Variants in CYP2C19 observed in about 807,000 individuals in gnomAD.
The protein encoded by CYP2C19 is cytochrome P450 2C19.
Under a neutral mutation model 40.9 loss-of-function variants are expected in CYP2C19, and 59 were observed. That is an observed-to-expected ratio of 1.44 (90% CI 1.17 to 1.79). The LOEUF (loss-of-function observed/expected upper bound fraction) is 1.79, where lower values mean the gene tolerates loss of function less well. CYP2C19 is among the 40% of genes most tolerant of loss of function. The pLI is 0.00. For missense variants in CYP2C19, 754 were observed against 596.9 expected, an observed-to-expected ratio of 1.26 and a Z score of -2.74; for synonymous variants, 253 against 208.7, an observed-to-expected ratio of 1.21 and a Z score of -1.83.
intron 5 of CYP2C19, among the ~76,000 whole-genome samples, chr10:94,784,296 T>G (rs1239821791): frequency 6.6e-6 from 1 of 152,178 alleles, no homozygotes; most frequent in Non-Finnish European, 1.5e-5. Flanking sequence ...GTTATTCATC[T>G]GTTTGTGGAC....
intron 5 of CYP2C19, among the ~76,000 whole-genome samples, chr10:94,807,257 A>G (rs553608405): frequency 6.6e-6 from 1 of 152,102 alleles, no homozygotes; most frequent in Non-Finnish European, 1.5e-5. Context: ...TCCATGGTGT[A>G]TGTATACATA....
rs751415691 is a variant in CYP2C19 at position 94,852,955 on chromosome 10, A to T, written c.*41A>T. The T allele has an allele frequency of 6.2e-7, 1 of 1,604,148 alleles. No individual in the cohort carries two copies. The highest frequency in any genetic ancestry group is 1.7e-5 in the Admixed American group (1 of 59,310). On this transcript the variant is annotated 3_prime_UTR_variant, in exon 9 of 9. Transcript: ENST00000371321. The stretch of plus-strand genomic sequence containing the variant: ...CTGGCTGCTCCTGTGCTGTCCCTGC[A>T]GCTCTCTTTCCTCTGGTCCAAATTT...
At chr10:94,810,889 T>TC (rs1203539075) in intron 5 of CYP2C19, among the ~76,000 whole-genome samples, 1 of 152,226 alleles carries the variant, frequency 6.6e-6, no homozygotes, top group Non-Finnish European at 1.5e-5. Flanking sequence ...CTCCTTCAAT[T>TC]CTGCTCTGAT....
At position 94,848,684 on chromosome 10, in the gene CYP2C19, C is replaced by T. The variant is rs1393336940; in HGVS notation, c.1150-1233C>T. On this transcript the variant is annotated intron_variant, in intron 7 of 8. Coordinates refer to ENST00000371321, the MANE Select transcript of CYP2C19 (RefSeq NM_000769.4). ...ACCTTGGGCAGTATGGCCATTTTCA[C>T]AATATTGATTCTTCCTACCTATGAG... Among the ~76,000 whole-genome samples, 5 of 152,194 alleles carry T rather than the reference C, an allele frequency of 3.3e-5. No homozygotes were observed. In the East Asian group the frequency reaches 9.7e-4, roughly 29 times the overall value.
intron 6 of CYP2C19, among the ~76,000 whole-genome samples, chr10:94,828,948 T>TC (rs1324593892): frequency 6.6e-6 from 1 of 151,898 alleles, no homozygotes; most frequent in Non-Finnish European, 1.5e-5. Flanking sequence ...GATATGAAAT[T>TC]CTGGGTTGAA....
rs2134297174 is a variant in CYP2C19, at chr10:94,855,318, G to A, written c.*2404G>A. On this transcript the variant is annotated 3_prime_UTR_variant, in exon 9 of 9. Coordinates refer to ENST00000371321, the MANE Select transcript of CYP2C19 (RefSeq NM_000769.4). ...ATGATCTGTTAAGCATCTTGTTCAAGGTCACACAGCTTTTTAAGTGTCAGA... is the reference window on the plus strand; with the variant it reads ...ATGATCTGTTAAGCATCTTGTTCAAAGTCACACAGCTTTTTAAGTGTCAGA... Among the ~76,000 whole-genome samples the A allele has an allele frequency of 6.6e-6, 1 of 152,302 alleles. No individual in the cohort carries two copies. Among genetic ancestry groups the A allele is most frequent in the Admixed American group, 6.5e-5 (1 of 15,284 alleles).
At chr10:94,842,765 G>T in intron 6 of CYP2C19, 72 bp from the exon 7 acceptor site, 1 of 1,488,208 alleles carries the variant, frequency 6.7e-7, no homozygotes, top group Non-Finnish European at 9.4e-7. Flanking sequence ...CATGATTCAT[G>T]TACCCCTGAA....
intron 5 of CYP2C19, among the ~76,000 whole-genome samples, chr10:94,808,969 C>T (rs1179522022): frequency 6.6e-6 from 1 of 152,060 alleles, no homozygotes; most frequent in Non-Finnish European, 1.5e-5. Context: ...ATTGCTGGGT[C>T]ATTTGGTAAC....
At chr10:94,851,871 T>C (rs35739901) in intron 8 of CYP2C19, among the ~76,000 whole-genome samples, 30,636 of 152,088 alleles carry the variant, frequency 0.2, 3,285 homozygotes, top group Middle Eastern at 0.23. Context: ...GGGGGAGGAA[T>C]ATTCAGACCA....
chr10:94,832,914 G>T (rs1178489181), intron 6 of CYP2C19, among the ~76,000 whole-genome samples: 1 of 151,864 alleles, frequency 6.6e-6, no homozygotes, highest in Admixed American at 6.6e-5. Context: ...TTTTCCATTT[G>T]TTGTGATCTC....
intron 6 of CYP2C19, among the ~76,000 whole-genome samples, chr10:94,827,293 G>A (rs1277522443): frequency 2.6e-5 from 4 of 151,954 alleles, no homozygotes; most frequent in African/African-American, 9.7e-5. Flanking sequence ...GTCTGGTCCT[G>A]GACTCTTTTT....
In CYP2C19 at chr10:94,781,861, G is replaced by A; in HGVS notation, c.683G>A (p.Gly228Glu). 2.0e-6 allele frequency: 3 copies of A among 1,475,748 alleles called. No individual in the cohort carries two copies. Among genetic ancestry groups the A allele is most frequent in the Non-Finnish European group, 2.7e-6 (3 of 1,119,618 alleles). The allele number at this position is 1,475,748 out of a possible 1,614,324, so 91.4% of individuals were successfully genotyped here. A position where few individuals can be genotyped will look rare whatever the true frequency, so the allele number is the denominator to read the frequency against. ...CCCACTATCATTGATTATTTCCCGGGAACCCATAACAAATTACTTAAAAAC... is the reference window on the plus strand; with the variant it reads ...CCCACTATCATTGATTATTTCCCGGAAACCCATAACAAATTACTTAAAAAC... ...NFPTIIDYFP[G>E]THNKLLKNLA... Residue 228 changes from glycine to glutamate, a missense_variant, in exon 5 of 9, where the codon GGA (glycine) becomes GAA (glutamate). Physicochemically the swap from Gly to Glu is moderately conservative, Grantham distance 98. Transcript: ENST00000371321.
At chr10:94,805,234 T>C (rs534966157) in intron 5 of CYP2C19, among the ~76,000 whole-genome samples, 3 of 152,152 alleles carry the variant, frequency 2.0e-5, no homozygotes, top group Admixed American at 6.6e-5. Flanking sequence ...GGGAGTTTTA[T>C]TTATAGTTTT....
intron 3 of CYP2C19, among the ~76,000 whole-genome samples, chr10:94,777,339 G>T (rs1848421720): frequency 6.6e-6 from 1 of 152,128 alleles, no homozygotes; most frequent in Non-Finnish European, 1.5e-5. Flanking sequence ...AGCTTGTAAA[G>T]CCAAGACAAT....
chr10:94,778,238 A>G (rs1185357105), intron 3 of CYP2C19, among the ~76,000 whole-genome samples: 1 of 152,188 alleles, frequency 6.6e-6, no homozygotes, highest in Admixed American at 6.5e-5. Context: ...GTTCCTGGTC[A>G]ACATAAGTAA....
intron 3 of CYP2C19, among the ~76,000 whole-genome samples, chr10:94,777,956 G>A (rs1029205362): frequency 2.6e-5 from 4 of 151,138 alleles, no homozygotes; most frequent in Non-Finnish European, 5.9e-5. Flanking sequence ...AAGAAAAAAA[G>A]AAAACAACAA....
intron 5 of CYP2C19, among the ~76,000 whole-genome samples, chr10:94,791,276 T>C (rs1848602165): frequency 6.6e-6 from 1 of 152,104 alleles, no homozygotes. Flanking sequence ...TTATTATTTT[T>C]GCTAGCAGTC....
chr10:94,840,943 C>T (rs375695604), intron 6 of CYP2C19, among the ~76,000 whole-genome samples: 1 of 152,248 alleles, frequency 6.6e-6, no homozygotes, highest in Non-Finnish European at 1.5e-5. Context: ...AAGGATAGGA[C>T]AGAACAGCTA....
intron 8 of CYP2C19, among the ~76,000 whole-genome samples, chr10:94,850,407 T>C (rs1332717199): frequency 6.6e-6 from 1 of 152,194 alleles, no homozygotes; most frequent in Non-Finnish European, 1.5e-5. Context: ...ACTCCAGAAC[T>C]TCACTGAGTG....
Sources: allele counts gnomAD v4.1 joint callset (sites outside exome capture counted in the v4.1 genomes callset), GRCh38; gene constraint gnomAD v4.1.1; transcripts MANE v1.5; gene names NCBI Gene and HGNC (gene_info 2026-07-23, HGNC 2026-07-21).